The following KRAS variants were observed in gnomAD, a reference collection of about 807,000 sequenced individuals.
The protein encoded by KRAS is GTPase KRas.
A neutral mutation model predicts 21.0 loss-of-function variants in KRAS; 1 was observed. That is an observed-to-expected ratio of 0.05 (90% confidence interval 0.02 to 0.23). The LOEUF (loss-of-function observed/expected upper bound fraction) is 0.23, where lower values mean the gene tolerates loss of function less well. Ranked by LOEUF, KRAS falls within the 10% of genes least tolerant of loss-of-function variation. The pLI, the probability that KRAS is intolerant of heterozygous loss-of-function variation, is 1.00. For missense variants in KRAS, 107 were observed against 221.8 expected (o/e 0.48, Z 3.29); for synonymous variants, 67 against 72.5 (o/e 0.92, Z 0.39).
At chr12:25,240,202 C>T (rs752771596) in intron 2 of KRAS, among the ~76,000 whole-genome samples, 1 of 152,098 alleles carries the variant, frequency 6.6e-6, no homozygotes, top group Non-Finnish European at 1.5e-5. Context: ...TTTAACTGTT[C>T]CATAACCTAC....
chr12:25,246,419 G>A (rs770191288), intron 1 of KRAS, among the ~76,000 whole-genome samples: 4 of 152,028 alleles, frequency 2.6e-5, no homozygotes, highest in Non-Finnish European at 2.9e-5. Context: ...TTAATCAGGC[G>A]TGGTGGCGCT....
intron 1 of KRAS, among the ~76,000 whole-genome samples, chr12:25,245,790 A>G (rs1951671417): frequency 6.6e-6 from 1 of 152,106 alleles, no homozygotes; most frequent in South Asian, 2.1e-4. Context: ...CACCCTCACA[A>G]AAGTTGCTGA....
At chr12:25,247,886 T>A (rs963113714) in intron 1 of KRAS, among the ~76,000 whole-genome samples, 6 of 152,234 alleles carry the variant, frequency 3.9e-5, no homozygotes, top group Non-Finnish European at 8.8e-5. Context: ...GGAAAATAGT[T>A]ATTTTTCATA....
At chr12:25,210,049 A>G (rs1951186421) in intron 4 of KRAS, 138 bp from the exon 5 acceptor site, 1 of 557,142 alleles carries the variant, frequency 1.8e-6, no homozygotes, top group East Asian at 3.1e-5. Flanking sequence ...TATATTACAT[A>G]TATTAGGACT....
chr12:25,211,564 C>T (rs1951200664), intron 4 of KRAS, among the ~76,000 whole-genome samples: 1 of 151,840 alleles, frequency 6.6e-6, no homozygotes, highest in Admixed American at 6.6e-5. Context: ...GGTGACAGAG[C>T]ATGACTCTGT....
At chr12:25,250,594 G>A (rs944613173) in intron 1 of KRAS, among the ~76,000 whole-genome samples, 157 bp downstream of exon 1, 2 of 151,272 alleles carry the variant, frequency 1.3e-5, no homozygotes, top group Admixed American at 6.6e-5. Context: ...CCCCCCTGCA[G>A]ACCCCTCTCA....
rs1386182807 is a variant in KRAS, at chr12:25,208,099, T to G, written c.*1696A>C. 1 of 233,324 alleles carries G rather than the reference T, an allele frequency of 4.3e-6. No homozygotes were observed. The highest frequency in any genetic ancestry group is 2.2e-5 in the African/African-American group (1 of 45,298). The allele number at this position is 233,324 out of a possible 1,614,324, so 14.5% of individuals were successfully genotyped here. Reference sequence around the variant, plus strand: ...AGATGGTGTAACATAGGTTAAAAATTTACAGATTGTGCTGAGCTTGACAAA... The same window carrying G: ...AGATGGTGTAACATAGGTTAAAAATGTACAGATTGTGCTGAGCTTGACAAA... On this transcript the variant is annotated 3_prime_UTR_variant, in exon 5 of 5. Coordinates refer to ENST00000311936, the MANE Select transcript of KRAS (RefSeq NM_004985.5).
At position 25,206,644 on chromosome 12, in the gene KRAS, G is replaced by C. The variant is rs1230781092; in HGVS notation, c.*3151C>G. ...GCCATTTCTTTCTCTGTGTAGAAAC[G>C]AGGTACTGTGTAAGTCTTAACACCC... On this transcript the variant is annotated 3_prime_UTR_variant, in exon 5 of 5. Coordinates refer to ENST00000311936, the MANE Select transcript of KRAS (RefSeq NM_004985.5). The C allele has an allele frequency of 5.0e-6, 1 of 200,670 alleles. No individual in the cohort carries two copies. Among genetic ancestry groups the C allele is most frequent in the East Asian group, 7.8e-5 (1 of 12,790 alleles). The allele number at this position is 200,670 out of a possible 1,614,324, so 12.4% of individuals were successfully genotyped here.
chr12:25,210,645 T>A (rs1485605568), intron 4 of KRAS: 2 of 152,168 alleles, frequency 1.3e-5, no homozygotes, highest in Non-Finnish European at 2.9e-5. Flanking sequence ...GTCTTATAGT[T>A]TACCAATTTG....
chr12:25,207,104 T>C lies in KRAS; in HGVS notation c.*2691A>G, dbSNP rs1023137377. ...CGCATCGTGTTATCTCTGGGTCGTA[T>C]ACCAAAGGCCTTAGTAAGATATTAC... On this transcript the variant is annotated 3_prime_UTR_variant, in exon 5 of 5. Transcript: ENST00000311936. 4.2e-5 allele frequency: 9 copies of C among 213,204 alleles called. No homozygotes were observed. Among genetic ancestry groups the C allele is most frequent in the African/African-American group, 1.8e-4 (8 of 44,212 alleles). 13.2% of individuals were successfully genotyped at this position (213,204 alleles called of 1,614,324 possible).
chr12:25,232,702 A>C (rs16928546), intron 2 of KRAS, among the ~76,000 whole-genome samples: 3,000 of 152,308 alleles, frequency 0.02, 76 homozygotes, highest in African/African-American at 0.068. Context: ...TCACAATAAA[A>C]TATTAAATGA....
In KRAS at chr12:25,214,466, C is replaced by T. The variant is rs139861897; in HGVS notation, c.451-4555G>A. ...GCAATGGTGCATTCTCAGCTCACTG[C>T]AACCTCTGCCTCCCAGGTTCAAGCA... On this transcript the variant is annotated intron_variant, in intron 4 of 4. Transcript: ENST00000311936. Among the ~76,000 whole-genome samples, 3 of 151,750 alleles carry T rather than the reference C, an allele frequency of 2.0e-5. No individual in the cohort carries two copies. The East Asian group carries it at 5.8e-4, about 29-fold the overall frequency.
At chr12:25,232,725 C>T (rs1471057269) in intron 2 of KRAS, among the ~76,000 whole-genome samples, 1 of 152,122 alleles carries the variant, frequency 6.6e-6, no homozygotes, top group East Asian at 1.9e-4. Flanking sequence ...GAAAGTTATT[C>T]CCCATAGTCC....
intron 2 of KRAS, chr12:25,235,091 T>C (rs941675535): frequency 2.6e-6 from 1 of 392,100 alleles, no homozygotes; most frequent in Middle Eastern, 5.6e-4. Flanking sequence ...GCCAATTCCA[T>C]GAGATGCTCT....
At chr12:25,248,469 A>G (rs2135811142) in intron 1 of KRAS, among the ~76,000 whole-genome samples, 1 of 152,206 alleles carries the variant, frequency 6.6e-6, no homozygotes, top group South Asian at 2.1e-4. Context: ...CAAAGAGGGT[A>G]GAGGGGTCGT....
intron 1 of KRAS, among the ~76,000 whole-genome samples, chr12:25,249,888 G>A (rs543177410): frequency 1.9e-4 from 29 of 152,262 alleles, no homozygotes; most frequent in African/African-American, 6.5e-4. Context: ...CCTTGCTTCT[G>A]CTCTGCGGGT....
chr12:25,249,666 C>T (rs899337580), intron 1 of KRAS, among the ~76,000 whole-genome samples: 1 of 149,082 alleles, frequency 6.7e-6, no homozygotes, highest in Admixed American at 6.7e-5. Context: ...GCTACAATTC[C>T]TCTGTAAGTT....
intron 4 of KRAS, among the ~76,000 whole-genome samples, chr12:25,219,058 C>A (rs1380831714): frequency 1.3e-5 from 2 of 151,846 alleles, no homozygotes; most frequent in Admixed American, 1.3e-4. Context: ...CCTGCCTCAG[C>A]CTCCTGAGTA....
At chr12:25,232,847 G>T (rs1175675477) in intron 2 of KRAS, among the ~76,000 whole-genome samples, 1 of 152,046 alleles carries the variant, frequency 6.6e-6, no homozygotes, top group African/African-American at 2.4e-5. Context: ...AAACATTTCT[G>T]GTGACATAAT....
Sources: gnomAD v4.1 joint callset for allele counts (sites outside exome capture counted in the v4.1 genomes callset) on GRCh38, gnomAD v4.1.1 for gene constraint, MANE v1.5 for transcripts, NCBI Gene and HGNC (gene_info 2026-07-23, HGNC 2026-07-21) for gene names.